DAB1: variants seen among roughly 807,000 people sequenced by gnomAD.
DAB1 encodes the protein disabled homolog 1.
Under a neutral mutation model 64.6 loss-of-function variants are expected in DAB1, and 15 were observed. The observed-to-expected ratio is 0.23, with a 90% confidence interval of 0.16 to 0.36. DAB1 has a LOEUF of 0.36. Among genes scored for constraint, DAB1 ranks in the 10% least tolerant of loss-of-function variants. The probability of loss-of-function intolerance (pLI) is 1.00; values close to 1 mark genes in which losing one functional copy is unlikely to be tolerated. For missense variants in DAB1, 596 were observed against 706.7 expected (o/e 0.84, Z 1.78); for synonymous variants, 235 against 251.9 (o/e 0.93, Z 0.64).
In DAB1 at chr1:58,006,794, G is replaced by A. The variant is rs1646590865; in HGVS notation, n.388-122632C>T. ...CCTCCTCTCTGCCTCCCGTCCCTCA[G>A]GAATGCTCCTGTGAAGGTGAAACAT... On this transcript the variant is annotated intron_variant and non_coding_transcript_variant, in intron 5 of 20. Coordinates refer to the DAB1 transcript ENST00000485760. Among the ~76,000 whole-genome samples, 3 of 152,164 alleles carry A rather than the reference G, an allele frequency of 2.0e-5. No homozygotes were observed. In the South Asian group the frequency reaches 6.2e-4, roughly 32 times the overall value.
intron 7 of DAB1, among the ~76,000 whole-genome samples, chr1:57,460,896 A>T (rs1011687334): frequency 1.1e-4 from 17 of 152,088 alleles, no homozygotes; most frequent in African/African-American, 1.9e-4. Context: ...TGATTTTTTT[A>T]AATTTAATTT....
chr1:57,385,895 G>T (rs535780889), intron 1 of DAB1, among the ~76,000 whole-genome samples: 49 of 152,248 alleles, frequency 3.2e-4, no homozygotes, highest in African/African-American at 1.1e-3. Context: ...ACTCCCCTTG[G>T]AAGGTATTTA....
At chr1:57,581,439 T>TGAA (rs1380017173) in intron 7 of DAB1, among the ~76,000 whole-genome samples, 1 of 152,100 alleles carries the variant, frequency 6.6e-6, no homozygotes, top group Non-Finnish European at 1.5e-5. Context: ...AGTCCATGGG[T>TGAA]GAAGACTCTC....
At chr1:58,420,251 T>G (rs892165428) in intron 3 of DAB1, among the ~76,000 whole-genome samples, 4 of 152,206 alleles carry the variant, frequency 2.6e-5, no homozygotes, top group African/African-American at 9.6e-5. Flanking sequence ...TCTTTCCCTC[T>G]TAGCCACAGC....
Position 58,454,960 on chromosome 1 carries a change from C to T in DAB1, n.257+51100G>A, listed in dbSNP as rs533694531. Among the ~76,000 whole-genome samples, 15 of 152,330 alleles carry T rather than the reference C, an allele frequency of 9.8e-5. No homozygotes were observed. In the South Asian group the frequency reaches 1.0e-3, roughly 11 times the overall value. The stretch of plus-strand genomic sequence containing the variant: ...CTGCCTTCAGGTCACTCAGTGGTGA[C>T]GTGTACCATCCGAAACTGCATTTGC... On this transcript the variant is annotated intron_variant and non_coding_transcript_variant, in intron 3 of 20. Coordinates refer to the DAB1 transcript ENST00000485760.
chr1:58,037,787 C>A (rs1402818020), intron 5 of DAB1, among the ~76,000 whole-genome samples: 1 of 152,160 alleles, frequency 6.6e-6, no homozygotes, highest in Non-Finnish European at 1.5e-5. Flanking sequence ...TCCTTCCTTT[C>A]CTCACCCCAC....
chr1:58,242,566 T>A (rs1660346129), intron 4 of DAB1, among the ~76,000 whole-genome samples: 1 of 152,150 alleles, frequency 6.6e-6, no homozygotes, highest in African/African-American at 2.4e-5. Flanking sequence ...AACTAGAATT[T>A]GAAGTGGTTT....
intron 5 of DAB1, among the ~76,000 whole-genome samples, chr1:57,984,235 AG>A (rs1348795290): frequency 1.3e-4 from 20 of 150,622 alleles, no homozygotes; most frequent in Non-Finnish European, 2.2e-4. Flanking sequence ...AAAGAAAGAA[AG>A]AAAGAAAGAA....
At chr1:58,142,473 T>C (rs1654343953) in intron 5 of DAB1, among the ~76,000 whole-genome samples, 1 of 152,022 alleles carries the variant, frequency 6.6e-6, no homozygotes, top group South Asian at 2.1e-4. Flanking sequence ...AGTCTCTTCA[T>C]CCTTGATCTA....
intron 5 of DAB1, among the ~76,000 whole-genome samples, chr1:57,955,490 A>C (rs7513899): frequency 8.9e-4 from 135 of 151,066 alleles, no homozygotes; most frequent in African/African-American, 3.2e-3. Flanking sequence ...CCCTAATAGT[A>C]GTGTCTTGAG....
chr1:57,140,385 A>C (rs746508381), intron 3 of DAB1, among the ~76,000 whole-genome samples: 2 of 152,226 alleles, frequency 1.3e-5, no homozygotes, highest in Middle Eastern at 3.4e-3. Context: ...TCCTCCTAGA[A>C]CCTAAAGGGG....
chr1:57,544,580 T>C (rs1270588693), intron 7 of DAB1, among the ~76,000 whole-genome samples: 1 of 152,160 alleles, frequency 6.6e-6, no homozygotes, highest in African/African-American at 2.4e-5. Context: ...TTATAAAACA[T>C]ATGGCAGATG....
chr1:57,675,749 T>C (rs1646559097), intron 6 of DAB1, among the ~76,000 whole-genome samples: 1 of 152,244 alleles, frequency 6.6e-6, no homozygotes, highest in Non-Finnish European at 1.5e-5. Context: ...ATATAGTTCA[T>C]TATATAATAA....
chr1:57,936,735 G>T (rs1158234685), intron 5 of DAB1, among the ~76,000 whole-genome samples: 3 of 151,840 alleles, frequency 2.0e-5, no homozygotes, highest in Admixed American at 2.0e-4. Flanking sequence ...GTTTAAAATA[G>T]AAATAAATAC....
At chr1:58,439,789 C>T (rs1328862440) in intron 3 of DAB1, among the ~76,000 whole-genome samples, 2 of 152,132 alleles carry the variant, frequency 1.3e-5, no homozygotes. Flanking sequence ...TGTTGAGGCC[C>T]GTCTGTATAA....
Position 57,023,676 on chromosome 1 carries a change from T to C in DAB1, c.787-37A>G, listed in dbSNP as rs997965913. The C allele has an allele frequency of 3.6e-6, 5 of 1,377,438 alleles. No homozygotes were observed. The African/African-American group carries it at 7.1e-5, about 20-fold the overall frequency. 85.3% of individuals were successfully genotyped at this position (1,377,438 alleles called of 1,614,324 possible). On this transcript the variant is annotated intron_variant, in intron 10 of 14. Coordinates refer to ENST00000371236, the MANE Select transcript of DAB1 (RefSeq NM_001365792.1). Reference sequence around the variant, plus strand: ...AGAGAGGCAGAGGACACATGAGACCTGGCTTAGCAGTCATCAAGGCTGGGA... The same window carrying C: ...AGAGAGGCAGAGGACACATGAGACCCGGCTTAGCAGTCATCAAGGCTGGGA...
intron 5 of DAB1, among the ~76,000 whole-genome samples, chr1:58,133,615 T>C (rs1261756384): frequency 6.6e-6 from 1 of 152,218 alleles, no homozygotes; most frequent in African/African-American, 2.4e-5. Context: ...AATTGATCAA[T>C]AAGTTTATTG....
intron 4 of DAB1, among the ~76,000 whole-genome samples, chr1:57,106,051 A>T (rs1655108540): frequency 6.6e-6 from 1 of 151,992 alleles, no homozygotes; most frequent in South Asian, 2.1e-4. Flanking sequence ...AAAGACTAAA[A>T]CCTACTTTGC....
chr1:57,692,373 C>T (rs1170972676), intron 6 of DAB1, among the ~76,000 whole-genome samples: 9 of 151,364 alleles, frequency 5.9e-5, no homozygotes, highest in African/African-American at 1.7e-4. Context: ...GAAAGACCAG[C>T]AGAGAGGAAA....
Sources: allele counts gnomAD v4.1 joint callset (sites outside exome capture counted in the v4.1 genomes callset), GRCh38; gene constraint gnomAD v4.1.1; transcripts MANE v1.5; gene names NCBI Gene and HGNC (gene_info 2026-07-23, HGNC 2026-07-21).